Variants in MAFF observed in about 807,000 individuals in gnomAD.
MAFF encodes the protein MAF bZIP transcription factor F.
Under a neutral mutation model 2.7 loss-of-function variants are expected in MAFF, and 4 were observed. That is an observed-to-expected ratio of 1.48 (90% CI 0.73 to 3.39). MAFF has a LOEUF of 3.39. Ranked by LOEUF, MAFF falls within the 30% of genes most tolerant of loss-of-function variation. The pLI is 0.01. For synonymous variants in MAFF, 113 were observed against 119.4 expected, an observed-to-expected ratio of 0.95 and a Z score of 0.35; for missense variants, 190 against 246.6, an observed-to-expected ratio of 0.77 and a Z score of 1.54.
At chr22:38,213,187 AAAAAAAAAAAAAAAG>A (rs2091115038) in intron 1 of MAFF, among the ~76,000 whole-genome samples, 1 of 37,704 alleles carries the variant, frequency 2.7e-5, no homozygotes, top group Non-Finnish European at 5.8e-5. Flanking sequence ...AAAAAAAAAA[AAAAAAAAAAAAAAAG>A]AAAGAAAGAA....
At chr22:38,210,623 A>AGAGTGTGTGTGTGTGTGT (rs149088492) in intron 1 of MAFF, among the ~76,000 whole-genome samples, 7 of 132,920 alleles carry the variant, frequency 5.3e-5, no homozygotes, top group Non-Finnish European at 9.5e-5. Context: ...GGACACAGGG[A>AGAGTGTGTGTGTGTGTGT]GTGTGTGTGT....
chr22:38,202,843 C>T lies in MAFF; in HGVS notation c.-32+631C>T, dbSNP rs891392543. 1.3e-5 allele frequency: 2 copies of T among 152,144 alleles called. No homozygotes were observed. Among genetic ancestry groups the T allele is most frequent in the African/African-American group, 4.8e-5 (2 of 41,432 alleles). 9.4% of individuals were successfully genotyped at this position (152,144 alleles called of 1,614,324 possible). A position where few individuals can be genotyped will look rare whatever the true frequency, so the allele number is the denominator to read the frequency against. On this transcript the variant is annotated intron_variant, in intron 1 of 2. Coordinates refer to ENST00000338483, the MANE Select transcript of MAFF (RefSeq NM_012323.4). This position sits in a 1 kb window ranked among gnomAD's most constrained non-coding sequence, Gnocchi z 7.4. The stretch of plus-strand genomic sequence containing the variant: ...CGAAGGAAGCGGACCCGTGCGTCTT[C>T]GCACGGGGTCTGGGAATTCTGGCCC...
chr22:38,207,026 G>C (rs952574851), intron 1 of MAFF, among the ~76,000 whole-genome samples: 1 of 152,166 alleles, frequency 6.6e-6, no homozygotes, highest in African/African-American at 2.4e-5. Context: ...TCTTCACAGG[G>C]CTAGGGAAAC....
chr22:38,213,198 A>AAAG (rs2091115355), intron 1 of MAFF, among the ~76,000 whole-genome samples: 1 of 120,476 alleles, frequency 8.3e-6, no homozygotes, highest in Non-Finnish European at 1.8e-5. Flanking sequence ...AAAAAAAAAA[A>AAAG]AAAGAAAGAA....
intron 1 of MAFF, among the ~76,000 whole-genome samples, chr22:38,213,174 CTCAAAAAAA>C (rs2091114200): frequency 1.1e-5 from 1 of 95,020 alleles, no homozygotes; most frequent in Non-Finnish European, 2.0e-5. Context: ...GAGACTCTGT[CTCAAAAAAA>C]AAAAAAAAAA....
intron 1 of MAFF, chr22:38,203,995 C>T (rs1393208068): frequency 1.3e-5 from 2 of 152,230 alleles, no homozygotes; most frequent in Non-Finnish European, 2.9e-5. Context: ...CAGGCCCACC[C>T]TCAAAGCTGG....
intron 1 of MAFF, among the ~76,000 whole-genome samples, chr22:38,209,294 T>G (rs1212993705): frequency 2.0e-5 from 3 of 151,882 alleles, no homozygotes; most frequent in Non-Finnish European, 2.9e-5. Flanking sequence ...CTCAATCTCC[T>G]TACCTTGTGA....
Position 38,214,897 on chromosome 22 carries a change from C to G in MAFF, c.*19C>G. 6.7e-7 allele frequency: 1 copy of G among 1,502,992 alleles called. No homozygotes were observed. The highest frequency in any genetic ancestry group is 9.0e-7 in the Non-Finnish European group (1 of 1,114,752). 93.1% of individuals were successfully genotyped at this position (1,502,992 alleles called of 1,614,324 possible). A position where few individuals can be genotyped will look rare whatever the true frequency, so the allele number is the denominator to read the frequency against. On this transcript the variant is annotated 3_prime_UTR_variant, in exon 3 of 3. Coordinates refer to ENST00000338483, the MANE Select transcript of MAFF (RefSeq NM_012323.4). This position sits in a 1 kb window ranked among gnomAD's most constrained non-coding sequence, Gnocchi z 6.3. ...CTCCTAGTGCCCGCCCCCGCCATGC[C>G]TCAGCCACGCCCCTCCGGCCTCAGC...
In MAFF at chr22:38,214,446, G is replaced by T; in HGVS notation, c.63G>T (p.Thr21=). 6.2e-7 allele frequency: 1 copy of T among 1,606,322 alleles called. No homozygotes were observed. The part of the protein sequence containing the change: ...LKIKRELSEN[T]PHLSDEALMG... ...TCAAGCGAGAGCTGAGCGAGAACAC[G>T]CCGCACCTGTCGGACGAGGCGCTGA... The change falls in exon 3 of 3, where the codon ACG becomes ACT. Residue 21 remains threonine, a synonymous_variant. Transcript: ENST00000338483. The surrounding 1 kb of genome is among the most constrained non-coding windows in gnomAD (Gnocchi z 6.3).
chr22:38,209,012 C>T (rs1462468657), intron 1 of MAFF, among the ~76,000 whole-genome samples: 1 of 151,524 alleles, frequency 6.6e-6, no homozygotes, highest in Non-Finnish European at 1.5e-5. Context: ...GGTCTGGACT[C>T]CATCCTTAGG....
chr22:38,208,277 G>A (rs1362342195), intron 1 of MAFF, among the ~76,000 whole-genome samples: 2 of 152,186 alleles, frequency 1.3e-5, no homozygotes, highest in Non-Finnish European at 2.9e-5. Flanking sequence ...GGAAAGTGGA[G>A]ACCCAGAGAG....
In MAFF at chr22:38,214,338, A is replaced by C; in HGVS notation, c.37-82A>C. The C allele has an allele frequency of 2.3e-6, 3 of 1,326,342 alleles. No homozygotes were observed. The highest frequency in any genetic ancestry group is 3.0e-6 in the Non-Finnish European group (3 of 989,298). The allele number at this position is 1,326,342 out of a possible 1,614,324, so 82.2% of individuals were successfully genotyped here. A position where few individuals can be genotyped will look rare whatever the true frequency, so the allele number is the denominator to read the frequency against. On this transcript the variant is annotated intron_variant, in intron 2 of 2. Transcript: ENST00000338483. This position sits in a 1 kb window ranked among gnomAD's most constrained non-coding sequence, Gnocchi z 6.3. Reference sequence around the variant, plus strand: ...AGTCCACCCACCACCTCGGCGGCTAAGGCGGTGAAAGAGGAACACCGCGGG... The same window carrying C: ...AGTCCACCCACCACCTCGGCGGCTACGGCGGTGAAAGAGGAACACCGCGGG...
Position 38,214,657 on chromosome 22 carries a change from A to G in MAFF, c.274A>G (p.Lys92Glu), listed in dbSNP as rs1349840572. The G allele has an allele frequency of 3.9e-6, 6 of 1,555,126 alleles. No homozygotes were observed. Among genetic ancestry groups the G allele is most frequent in the Non-Finnish European group, 5.2e-6 (6 of 1,150,490 alleles). Residue 92 changes from lysine to glutamate, a missense_variant, in exon 3 of 3, where the codon AAG (lysine) becomes GAG (glutamate). Around this residue, in one of 2 missense-constraint regions of MAFF, gnomAD observed 87 missense variants for 143.6 expected, o/e 0.61. Coordinates refer to ENST00000338483, the MANE Select transcript of MAFF (RefSeq NM_012323.4). This position sits in a 1 kb window ranked among gnomAD's most constrained non-coding sequence, Gnocchi z 6.3. The part of the protein sequence containing the change: ...QKSELEREVD[K>E]LARENAAMRL... The stretch of plus-strand genomic sequence containing the variant: ...GTCGGAGCTGGAGCGCGAGGTGGAC[A>G]AGCTGGCGCGCGAGAACGCCGCCAT...
At chr22:38,207,423 CTTTTTTT>C (rs71195092) in intron 1 of MAFF, among the ~76,000 whole-genome samples, 74 of 78,312 alleles carry the variant, frequency 9.4e-4, no homozygotes, top group East Asian at 2.0e-3. Context: ...GCTTGGCCAT[CTTTTTTT>C]TTTTTTTTTT....
chr22:38,214,494 G>C lies in MAFF; in HGVS notation c.111G>C (p.Leu37=). Reference sequence around the variant, plus strand: ...TGATGGGGCTGTCGGTGCGCGAGCTGAACCGGCATCTGCGCGGGCTCTCCG... The same window carrying C: ...TGATGGGGCTGTCGGTGCGCGAGCTCAACCGGCATCTGCGCGGGCTCTCCG... ...EALMGLSVRE[L]NRHLRGLSAE... is the part of the protein sequence containing the mutation. The change falls in exon 3 of 3, where the codon CTG becomes CTC. Residue 37 remains leucine, a synonymous_variant. Transcript: ENST00000338483. This position sits in a 1 kb window ranked among gnomAD's most constrained non-coding sequence, Gnocchi z 6.3. 3.1e-6 allele frequency: 5 copies of C among 1,610,624 alleles called. No homozygotes were observed. The highest frequency in any genetic ancestry group is 4.2e-6 in the Non-Finnish European group (5 of 1,179,618).
At chr22:38,211,382 A>T (rs1479362109) in intron 1 of MAFF, among the ~76,000 whole-genome samples, 6 of 151,950 alleles carry the variant, frequency 3.9e-5, no homozygotes, top group African/African-American at 1.5e-4. Flanking sequence ...ACGTGCCACC[A>T]CGCCCGGCTA....
At chr22:38,205,876 G>A (rs552024140) in intron 1 of MAFF, among the ~76,000 whole-genome samples, 4 of 152,344 alleles carry the variant, frequency 2.6e-5, no homozygotes, top group East Asian at 1.9e-4. Context: ...GGTTGGCAGC[G>A]GAAAGCCTGA....
chr22:38,214,906 G>A lies in MAFF; in HGVS notation c.*28G>A. On this transcript the variant is annotated 3_prime_UTR_variant, in exon 3 of 3. Transcript: ENST00000338483. The surrounding 1 kb of genome is among the most constrained non-coding windows in gnomAD (Gnocchi z 6.3). ...CCCGCCCCCGCCATGCCTCAGCCAC[G>A]CCCCTCCGGCCTCAGCTCCCTCCCC... 1.4e-6 allele frequency: 2 copies of A among 1,459,140 alleles called. No homozygotes were observed. Among genetic ancestry groups the A allele is most frequent in the Non-Finnish European group, 1.8e-6 (2 of 1,082,984 alleles). 90.4% of individuals were successfully genotyped at this position (1,459,140 alleles called of 1,614,324 possible).
rs929080760 is a variant in MAFF at position 38,214,044 on chromosome 22, G to A, written c.36+155G>A. 4.6e-5 allele frequency among the ~76,000 whole-genome samples: 7 copies of A among 152,226 alleles called. No individual in the cohort carries two copies. Among genetic ancestry groups the A allele is most frequent in the Non-Finnish European group, 7.3e-5 (5 of 68,046 alleles). On this transcript the variant is annotated intron_variant, in intron 2 of 2. Coordinates refer to ENST00000338483, the MANE Select transcript of MAFF (RefSeq NM_012323.4). This position sits in a 1 kb window ranked among gnomAD's most constrained non-coding sequence, Gnocchi z 6.3. The stretch of plus-strand genomic sequence containing the variant: ...CCAAAGGGAAGGGCCACAGCCATGG[G>A]CTGGGACCAGGAGGCCTGGGCTCTG...
Sources: gnomAD v4.1 joint callset for allele counts (sites outside exome capture counted in the v4.1 genomes callset) on GRCh38, gnomAD v4.1.1 for gene constraint, gnomAD v4.1.1 regional missense constraint, Gnocchi (gnomAD v3.1) non-coding constraint, MANE v1.5 for transcripts, NCBI Gene and HGNC (gene_info 2026-07-23, HGNC 2026-07-21) for gene names.